Variants in KLHL29 observed in about 807,000 individuals in gnomAD.
KLHL29 encodes kelch-like protein 29.
A neutral mutation model predicts 80.4 loss-of-function variants in KLHL29; 21 were observed. That is an observed-to-expected ratio of 0.26 (90% confidence interval 0.19 to 0.38). The LOEUF (loss-of-function observed/expected upper bound fraction) is 0.38. KLHL29 is among the 10% of genes least tolerant of loss of function. The pLI, the probability that KLHL29 is intolerant of heterozygous loss-of-function variation, is 1.00. For synonymous variants in KLHL29, 511 were observed against 526.8 expected, an observed-to-expected ratio of 0.97 and a Z score of 0.41; for missense variants, 867 against 1,223.9, an observed-to-expected ratio of 0.71 and a Z score of 4.35.
At chr2:23,399,289 A>G (rs1188154253) in intron 1 of KLHL29, among the ~76,000 whole-genome samples, 1 of 152,216 alleles carries the variant, frequency 6.6e-6, no homozygotes, top group Non-Finnish European at 1.5e-5. Flanking sequence ...TTGCAGAGTT[A>G]AATTTATGAT....
chr2:23,663,546 C>T (rs545798582), intron 5 of KLHL29, among the ~76,000 whole-genome samples: 1 of 152,206 alleles, frequency 6.6e-6, no homozygotes, highest in Non-Finnish European at 1.5e-5. Flanking sequence ...TTCTCTTCAG[C>T]CAGTTCCAAG....
chr2:23,677,916 A>C (rs774154505), intron 5 of KLHL29, among the ~76,000 whole-genome samples: 9 of 152,154 alleles, frequency 5.9e-5, no homozygotes, highest in Non-Finnish European at 8.8e-5. Flanking sequence ...AGCATTTATC[A>C]CCTAGCTGGG....
At chr2:23,614,391 T>C (rs914162670) in intron 3 of KLHL29, among the ~76,000 whole-genome samples, 3 of 152,058 alleles carry the variant, frequency 2.0e-5, no homozygotes, top group Admixed American at 6.6e-5. Context: ...TCACAGAACA[T>C]AGAACATAGC....
intron 2 of KLHL29, among the ~76,000 whole-genome samples, chr2:23,510,911 A>G (rs17045504): frequency 0.07 from 10,668 of 152,314 alleles, 426 homozygotes; most frequent in Non-Finnish European, 0.089. Flanking sequence ...AATTCCAGGC[A>G]GTCAAACAGT....
rs1163429669 is a variant in KLHL29, at chr2:23,695,728, C to T, written c.1648C>T (p.Arg550Trp). ...GCTGATCAAGTCATCAGAAGCCTGCCGGGACCTGGTGAACGAGGCCAAACG... is the reference window on the plus strand; with the variant it reads ...GCTGATCAAGTCATCAGAAGCCTGCTGGGACCTGGTGAACGAGGCCAAACG... ...EELIKSSEAC[R>W]DLVNEAKRYH... The change falls in exon 9 of 14, where the codon CGG becomes TGG. Residue 550 changes from arginine (R) to tryptophan (W), a missense_variant. This residue lies in a region of KLHL29 where 443 missense variants were observed against 767.0 expected (regional missense o/e 0.58). Coordinates refer to ENST00000486442, the MANE Select transcript of KLHL29 (RefSeq NM_052920.2). The surrounding 1 kb of genome is among the most constrained non-coding windows in gnomAD (Gnocchi z 7.6). The T allele has an allele frequency of 3.2e-6, 5 of 1,551,474 alleles. No individual in the cohort carries two copies. The highest frequency in any genetic ancestry group is 2.4e-5 in the East Asian group (1 of 40,936).
intron 3 of KLHL29, among the ~76,000 whole-genome samples, chr2:23,631,367 C>T (rs1416194370): frequency 6.6e-6 from 1 of 152,114 alleles, no homozygotes; most frequent in African/African-American, 2.4e-5. Context: ...TGTAAGTTGC[C>T]CCGAAAGCAG....
In KLHL29 at chr2:23,706,603, T is replaced by G. The variant is rs1208610383; in HGVS notation, c.2567T>G (p.Met856Arg). Reference protein sequence around the residue: ...TTNTWTLLPHMPCPVFRHGCV... With the variant: ...TTNTWTLLPHRPCPVFRHGCV... Reference sequence around the variant, plus strand: ...AACACATGGACCCTCCTCCCCCACATGCCCTGCCCTGTGTTCAGACACGGC... The same window carrying G: ...AACACATGGACCCTCCTCCCCCACAGGCCCTGCCCTGTGTTCAGACACGGC... The change falls in exon 14 of 14, where the codon ATG becomes AGG. Residue 856 changes from methionine (M) to arginine (R), a missense_variant. Around this residue, in one of 2 missense-constraint regions of KLHL29, gnomAD observed 443 missense variants for 767.0 expected, o/e 0.58. Coordinates refer to ENST00000486442, the MANE Select transcript of KLHL29 (RefSeq NM_052920.2). 3.9e-6 allele frequency: 6 copies of G among 1,536,914 alleles called. No individual in the cohort carries two copies. The highest frequency in any genetic ancestry group is 5.2e-6 in the Non-Finnish European group (6 of 1,146,752).
rs888172465 is a variant in KLHL29, at chr2:23,562,541, G to A, written c.285+60G>A. On this transcript the variant is annotated intron_variant, in intron 3 of 13. Coordinates refer to ENST00000486442, the MANE Select transcript of KLHL29 (RefSeq NM_052920.2). The surrounding 1 kb of genome is among the most constrained non-coding windows in gnomAD (Gnocchi z 4.5). Reference sequence around the variant, plus strand: ...ACAGAGGGGCCCTGCCTCCCTGCAGGCTCAGGCCAGCCCCACAGGCTCCTG... The same window carrying A: ...ACAGAGGGGCCCTGCCTCCCTGCAGACTCAGGCCAGCCCCACAGGCTCCTG... 1 of 1,505,022 alleles carries A rather than the reference G, an allele frequency of 6.6e-7. No individual in the cohort carries two copies. Among genetic ancestry groups the A allele is most frequent in the Non-Finnish European group, 8.9e-7 (1 of 1,125,982 alleles). The allele number at this position is 1,505,022 out of a possible 1,614,324, so 93.2% of individuals were successfully genotyped here.
At position 23,534,659 on chromosome 2, in the gene KLHL29, C is replaced by A. The variant is rs1156446560; in HGVS notation, c.-45-27493C>A. On this transcript the variant is annotated intron_variant, in intron 2 of 13. Transcript: ENST00000486442. The stretch of plus-strand genomic sequence containing the variant: ...CCTTTCCTGCCACAGCAGGGCCCAG[C>A]TCTGTGTATGGCACAGAGGCTCATA... 2.0e-5 allele frequency among the ~76,000 whole-genome samples: 3 copies of A among 152,184 alleles called. No homozygotes were observed. The East Asian group carries it at 5.8e-4, about 29-fold the overall frequency.
chr2:23,639,168 G>T lies in KLHL29; in HGVS notation c.315G>T (p.Gln105His), dbSNP rs1348177026. ...CCGGCATCTCCAAAGGGGACAGTCA[G>T]TCCCAGGGACTGGCGACCAGCATCC... Reference protein sequence around the residue: ...KAPGISKGDSQSQGLATSIRW... With the variant: ...KAPGISKGDSHSQGLATSIRW... The change falls in exon 4 of 14, where the codon CAG becomes CAT. Residue 105 changes from glutamine to histidine, a missense_variant. By Grantham distance (24) the Gln-to-His change is conservative. Transcript: ENST00000486442. 1.9e-6 allele frequency: 3 copies of T among 1,544,200 alleles called. No homozygotes were observed. Among genetic ancestry groups the T allele is most frequent in the East Asian group, 2.5e-5 (1 of 40,612 alleles).
At chr2:23,604,401 A>G (rs537908273) in intron 3 of KLHL29, among the ~76,000 whole-genome samples, 1 of 152,248 alleles carries the variant, frequency 6.6e-6, no homozygotes, top group African/African-American at 2.4e-5. Context: ...GGCCTGGAAG[A>G]TCATTTCTAT....
chr2:23,417,458 T>C (rs1667003214), intron 1 of KLHL29, among the ~76,000 whole-genome samples: 1 of 152,204 alleles, frequency 6.6e-6, no homozygotes, highest in Admixed American at 6.5e-5. Context: ...GTCACCAAAC[T>C]TACATACGTC....
At chr2:23,393,898 G>A (rs749465126) in intron 1 of KLHL29, among the ~76,000 whole-genome samples, 2 of 152,106 alleles carry the variant, frequency 1.3e-5, no homozygotes, top group Non-Finnish European at 2.9e-5. Context: ...CTCTGCTGCC[G>A]CCCCTCCCTT....
chr2:23,422,696 G>A (rs1662854628), intron 1 of KLHL29, among the ~76,000 whole-genome samples: 1 of 151,712 alleles, frequency 6.6e-6, no homozygotes, highest in African/African-American at 2.4e-5. Flanking sequence ...GTATGTCTGG[G>A]TGTCATGCGG....
chr2:23,662,331 C>G (rs1238636531), intron 5 of KLHL29, among the ~76,000 whole-genome samples: 2 of 152,206 alleles, frequency 1.3e-5, no homozygotes, highest in Non-Finnish European at 2.9e-5. Flanking sequence ...ATAGGAAATT[C>G]CCTTTTTGAT....
intron 3 of KLHL29, among the ~76,000 whole-genome samples, chr2:23,597,518 G>A (rs1256106502): frequency 1.4e-5 from 2 of 140,468 alleles, no homozygotes; most frequent in Non-Finnish European, 3.0e-5. Flanking sequence ...CTGCCTCCCA[G>A]GTTCAAGTGA....
intron 1 of KLHL29, among the ~76,000 whole-genome samples, chr2:23,451,096 TA>T: frequency 6.6e-6 from 1 of 152,354 alleles, no homozygotes; most frequent in South Asian, 2.1e-4. Flanking sequence ...GAAATTTTTT[TA>T]AGTTTGTCTT....
chr2:23,463,603 T>A (rs114421144), intron 1 of KLHL29, among the ~76,000 whole-genome samples: 50 of 152,308 alleles, frequency 3.3e-4, no homozygotes, highest in African/African-American at 1.2e-3. Flanking sequence ...GGTCTCTTGA[T>A]GGAGCCCAAA....
At chr2:23,666,131 G>A (rs1044884865) in intron 5 of KLHL29, among the ~76,000 whole-genome samples, 1 of 152,194 alleles carries the variant, frequency 6.6e-6, no homozygotes, top group African/African-American at 2.4e-5. Flanking sequence ...AATGTACTGA[G>A]CACCTACCCT....
Sources: gnomAD v4.1 joint callset for allele counts (sites outside exome capture counted in the v4.1 genomes callset) on GRCh38, gnomAD v4.1.1 for gene constraint, gnomAD v4.1.1 regional missense constraint, Gnocchi (gnomAD v3.1) non-coding constraint, MANE v1.5 for transcripts, NCBI Gene and HGNC (gene_info 2026-07-23, HGNC 2026-07-21) for gene names.